ABTB3: variants seen among roughly 807,000 people sequenced by gnomAD.
ABTB3 encodes the protein ankyrin repeat and BTB domain containing 3.
chr12:107,580,831 T>C, the ABTB3 span: 66 of 1,534,922 alleles, frequency 4.3e-5, no homozygotes, highest in Non-Finnish European at 5.5e-5. Flanking sequence ...TATGTTCACA[T>C]GATCGCCGAG....
chr12:107,349,169 A>G, the ABTB3 span, among the ~76,000 whole-genome samples: 238 of 152,298 alleles, frequency 1.6e-3, 5 homozygotes, highest in East Asian at 0.031. Flanking sequence ...CTGGAGAGGT[A>G]GCTTCTCAGG....
the ABTB3 span, chr12:107,520,423 C>T: frequency 1.9e-6 from 3 of 1,569,610 alleles, no homozygotes; most frequent in Admixed American, 3.4e-5. Flanking sequence ...TGCACCCTTC[C>T]CTCGGTTAAC....
the ABTB3 span, among the ~76,000 whole-genome samples, chr12:107,577,565 CT>C: frequency 6.6e-6 from 1 of 152,072 alleles, no homozygotes; most frequent in African/African-American, 2.4e-5. Context: ...CCTTCCTGAG[CT>C]GACATGCTGG....
At chr12:107,590,195 T>C in the ABTB3 span, among the ~76,000 whole-genome samples, 1 of 152,202 alleles carries the variant, frequency 6.6e-6, no homozygotes, top group African/African-American at 2.4e-5. Flanking sequence ...ATTACAGGCG[T>C]GAGCCACTGC....
the ABTB3 span, among the ~76,000 whole-genome samples, chr12:107,507,603 C>A: frequency 6.6e-6 from 1 of 152,182 alleles, no homozygotes; most frequent in African/African-American, 2.4e-5. Flanking sequence ...TTGAGCCCCT[C>A]GATGCTCCCC....
chr12:107,556,663 C>T, the ABTB3 span, among the ~76,000 whole-genome samples: 2 of 152,190 alleles, frequency 1.3e-5, no homozygotes, highest in African/African-American at 4.8e-5. Context: ...TTCATCTTCC[C>T]TTTTTCCTTT....
At chr12:107,441,652 G>A in the ABTB3 span, among the ~76,000 whole-genome samples, 1 of 151,998 alleles carries the variant, frequency 6.6e-6, no homozygotes, top group South Asian at 2.1e-4. Context: ...AAGTTACCTG[G>A]GGGGTCCAGA....
chr12:107,565,274 C>T, the ABTB3 span, among the ~76,000 whole-genome samples: 1 of 152,164 alleles, frequency 6.6e-6, no homozygotes, highest in Admixed American at 6.5e-5. Flanking sequence ...CCAACCCTGA[C>T]ATTGTTGGCA....
chr12:107,464,949 TACACACAC>T, the ABTB3 span, among the ~76,000 whole-genome samples: 1 of 146,626 alleles, frequency 6.8e-6, no homozygotes, highest in African/African-American at 2.5e-5. Flanking sequence ...CTCCCTACCT[TACACACAC>T]ACACACACAC....
the ABTB3 span, among the ~76,000 whole-genome samples, chr12:107,474,718 C>T: frequency 9.6e-3 from 1,468 of 152,260 alleles, 36 homozygotes; most frequent in African/African-American, 0.033. Context: ...TAGGAAAAGC[C>T]TTAACTTGTT....
the ABTB3 span, among the ~76,000 whole-genome samples, chr12:107,392,007 C>T: frequency 4.6e-5 from 7 of 152,170 alleles, no homozygotes; most frequent in African/African-American, 9.7e-5. Context: ...GCTGTGCAGT[C>T]GAAGGCAAGT....
the ABTB3 span, among the ~76,000 whole-genome samples, chr12:107,481,538 C>A: frequency 6.6e-6 from 1 of 152,130 alleles, no homozygotes; most frequent in South Asian, 2.1e-4. Context: ...CCCTCCCTAC[C>A]TATAGCTCAC....
At chr12:107,656,761 G>A in the ABTB3 span, among the ~76,000 whole-genome samples, 1 of 152,222 alleles carries the variant, frequency 6.6e-6, no homozygotes, top group Non-Finnish European at 1.5e-5. Context: ...CTGGTGGGGG[G>A]TGCTGTGTCC....
At chr12:107,369,806 G>A in the ABTB3 span, among the ~76,000 whole-genome samples, 1 of 138,488 alleles carries the variant, frequency 7.2e-6, no homozygotes, top group Non-Finnish European at 1.5e-5. Context: ...AGTTTTGTTT[G>A]GCAGAATTTG....
chr12:107,476,023 T>C, the ABTB3 span, among the ~76,000 whole-genome samples: 2 of 152,152 alleles, frequency 1.3e-5, no homozygotes, highest in African/African-American at 2.4e-5. Flanking sequence ...CACACTTCCA[T>C]AGAATGCAGC....
At chr12:107,450,986 T>C in the ABTB3 span, among the ~76,000 whole-genome samples, 367 of 152,272 alleles carry the variant, frequency 2.4e-3, 7 homozygotes, top group African/African-American at 8.5e-3. Context: ...ATGTGTTTTT[T>C]TTTTTAAATG....
the ABTB3 span, among the ~76,000 whole-genome samples, chr12:107,502,532 T>C: frequency 3.3e-5 from 5 of 152,180 alleles, no homozygotes; most frequent in Admixed American, 6.5e-5. Context: ...TACATAAACA[T>C]ATATACAGTG....
the ABTB3 span, among the ~76,000 whole-genome samples, chr12:107,331,733 G>T: frequency 2.6e-5 from 4 of 152,210 alleles, no homozygotes; most frequent in African/African-American, 9.6e-5. Context: ...CCCCATGTCA[G>T]TGCCTCTGAT....
At chr12:107,509,804 A>T in the ABTB3 span, among the ~76,000 whole-genome samples, 1 of 152,256 alleles carries the variant, frequency 6.6e-6, no homozygotes, top group Non-Finnish European at 1.5e-5. Context: ...TAGTGTACAA[A>T]CATTTCTTAA....
Sources: gnomAD v4.1 joint callset for allele counts (sites outside exome capture counted in the v4.1 genomes callset) on GRCh38, gnomAD v4.1.1 for gene constraint, MANE v1.5 for transcripts, NCBI Gene and HGNC (gene_info 2026-07-23, HGNC 2026-07-21) for gene names.